GPC5: variants seen among roughly 807,000 people sequenced by gnomAD.
The protein encoded by GPC5 is glypican-5.
In GPC5, 47 loss-of-function variants were observed where a neutral mutation model predicts 53.9. The observed-to-expected ratio is 0.87, with a 90% CI of 0.69 to 1.11. The LOEUF is 1.11. GPC5 is among the 50% of genes most tolerant of loss of function. The pLI, the probability that GPC5 is intolerant of heterozygous loss-of-function variation, is 0.00. For synonymous variants in GPC5, 286 were observed against 263.3 expected (o/e 1.09, Z -0.84); for missense variants, 748 against 713.1 (o/e 1.05, Z -0.56).
chr13:92,098,675 G>T (rs1014437339), intron 6 of GPC5, among the ~76,000 whole-genome samples: 1 of 152,124 alleles, frequency 6.6e-6, no homozygotes, highest in African/African-American at 2.4e-5. Context: ...TGAAATTAAG[G>T]TGGTTAAACA....
At chr13:92,563,610 C>A (rs1882768558) in intron 7 of GPC5, among the ~76,000 whole-genome samples, 2 of 151,942 alleles carry the variant, frequency 1.3e-5, no homozygotes, top group African/African-American at 2.4e-5. Flanking sequence ...AAAAAACTAA[C>A]ATTTTATCAA....
chr13:91,628,362 T>G (rs12184838), intron 2 of GPC5, among the ~76,000 whole-genome samples: 162 of 152,266 alleles, frequency 1.1e-3, no homozygotes, highest in African/African-American at 3.8e-3. Flanking sequence ...CAGTTATAAT[T>G]AGTTTCAAGT....
chr13:91,761,144 G>A (rs1433012591), intron 5 of GPC5, among the ~76,000 whole-genome samples: 2 of 152,034 alleles, frequency 1.3e-5, no homozygotes, highest in Non-Finnish European at 1.5e-5. Flanking sequence ...TGAAGTTCAG[G>A]TGACAGCTCC....
At chr13:92,590,952 G>A (rs887652479) in intron 7 of GPC5, among the ~76,000 whole-genome samples, 1 of 152,092 alleles carries the variant, frequency 6.6e-6, no homozygotes, top group African/African-American at 2.4e-5. Flanking sequence ...CTGTGTGTCT[G>A]TTCTGATTCA....
At chr13:92,234,802 G>A (rs1317602770) in intron 7 of GPC5, among the ~76,000 whole-genome samples, 2 of 151,940 alleles carry the variant, frequency 1.3e-5, no homozygotes, top group Non-Finnish European at 1.5e-5. Context: ...GAAGAGGAGG[G>A]GTCAAACAGC....
At chr13:91,569,893 G>A (rs753181562) in intron 2 of GPC5, among the ~76,000 whole-genome samples, 23 of 152,216 alleles carry the variant, frequency 1.5e-4, no homozygotes, top group African/African-American at 2.2e-4. Context: ...GAACTTCCCC[G>A]CCTTCAGAAA....
At chr13:91,733,134 T>A (rs2036738621) in intron 4 of GPC5, among the ~76,000 whole-genome samples, 1 of 152,152 alleles carries the variant, frequency 6.6e-6, no homozygotes. Context: ...TTCACAATTT[T>A]TGTTTTGTTT....
chr13:92,655,297 T>TTTTATTTATTTATTTA (rs374530742), intron 7 of GPC5, among the ~76,000 whole-genome samples: 15 of 146,142 alleles, frequency 1.0e-4, no homozygotes, highest in East Asian at 1.0e-3. Context: ...AGTTGATTGC[T>TTTTATTTATTTATTTA]TTTATTTATT....
intron 6 of GPC5, among the ~76,000 whole-genome samples, chr13:91,963,967 G>A (rs372446370): frequency 6.6e-6 from 1 of 152,100 alleles, no homozygotes; most frequent in East Asian, 1.9e-4. Context: ...GGATTCCTCA[G>A]GGATCTAAAA....
At chr13:91,507,266 T>A (rs1395804253) in intron 2 of GPC5, among the ~76,000 whole-genome samples, 1 of 152,072 alleles carries the variant, frequency 6.6e-6, no homozygotes. Flanking sequence ...GGAAGGGAGC[T>A]CTCTGGGGTC....
chr13:92,796,863 C>T (rs911013814), intron 7 of GPC5, among the ~76,000 whole-genome samples: 3 of 151,878 alleles, frequency 2.0e-5, no homozygotes, highest in African/African-American at 7.3e-5. Context: ...ACATTTCTAA[C>T]TTTTAATGAA....
intron 6 of GPC5, among the ~76,000 whole-genome samples, chr13:91,914,671 ACC>A (rs2039641940): frequency 6.7e-6 from 1 of 149,334 alleles, no homozygotes; most frequent in Non-Finnish European, 1.5e-5. Flanking sequence ...TTCTTAGGAT[ACC>A]GATATAATAA....
intron 6 of GPC5, among the ~76,000 whole-genome samples, chr13:92,143,779 A>G (rs2138982387): frequency 6.6e-6 from 1 of 152,068 alleles, no homozygotes; most frequent in African/African-American, 2.4e-5. Flanking sequence ...AGGCTATTTG[A>G]CTCTCTGTTC....
At chr13:91,596,878 A>G (rs1413735986) in intron 2 of GPC5, among the ~76,000 whole-genome samples, 6 of 152,112 alleles carry the variant, frequency 3.9e-5, no homozygotes, top group African/African-American at 1.2e-4. Context: ...GTAGCCTTAC[A>G]TGAATAGACT....
intron 7 of GPC5, among the ~76,000 whole-genome samples, chr13:92,467,633 T>C (rs557245584): frequency 6.6e-6 from 1 of 151,984 alleles, no homozygotes; most frequent in East Asian, 1.9e-4. Context: ...CACATAGAGG[T>C]AAAATAACTT....
chr13:91,412,437 A>G (rs931079110), intron 1 of GPC5, among the ~76,000 whole-genome samples: 2 of 152,260 alleles, frequency 1.3e-5, no homozygotes, highest in Non-Finnish European at 2.9e-5. Context: ...ATAAAATGAA[A>G]TACCACAGTG....
At chr13:92,169,893 T>G (rs2042057385) in intron 7 of GPC5, among the ~76,000 whole-genome samples, 1 of 152,100 alleles carries the variant, frequency 6.6e-6, no homozygotes, top group Non-Finnish European at 1.5e-5. Flanking sequence ...TGGTGTGTGT[T>G]GTTCAGCATT....
At chr13:91,793,048 T>A (rs1163207265) in intron 5 of GPC5, among the ~76,000 whole-genome samples, 2 of 152,188 alleles carry the variant, frequency 1.3e-5, no homozygotes, top group African/African-American at 4.8e-5. Flanking sequence ...TAAGGAGATG[T>A]ATTAGTCTGT....
intron 7 of GPC5, among the ~76,000 whole-genome samples, chr13:92,747,134 G>A (rs1889259575): frequency 6.6e-6 from 1 of 152,150 alleles, no homozygotes; most frequent in Admixed American, 6.6e-5. Context: ...GCGTCATTAT[G>A]TGGTGCATGA....
Sources: gnomAD v4.1 joint callset for allele counts (sites outside exome capture counted in the v4.1 genomes callset) on GRCh38, gnomAD v4.1.1 for gene constraint, MANE v1.5 for transcripts, NCBI Gene and HGNC (gene_info 2026-07-23, HGNC 2026-07-21) for gene names.